SLC19A3: variants seen among roughly 807,000 people sequenced by gnomAD.
SLC19A3 encodes the protein solute carrier family 19 member 3.
Under a neutral mutation model 40.2 loss-of-function variants are expected in SLC19A3, and 31 were observed. That is an observed-to-expected ratio of 0.77 (90% CI 0.58 to 1.04). The LOEUF (loss-of-function observed/expected upper bound fraction) is 1.04. Ranked by LOEUF, SLC19A3 falls within the 50% of genes least tolerant of loss-of-function variation. The pLI, the probability that SLC19A3 is intolerant of heterozygous loss-of-function variation, is 0.00. For missense variants in SLC19A3, 592 were observed against 596.7 expected, an observed-to-expected ratio of 0.99 and a Z score of 0.08; for synonymous variants, 212 against 227.5, an observed-to-expected ratio of 0.93 and a Z score of 0.61.
intron 3 of SLC19A3, among the ~76,000 whole-genome samples, chr2:227,698,293 T>C (rs1364975552): frequency 6.6e-6 from 1 of 151,756 alleles, no homozygotes; most frequent in Non-Finnish European, 1.5e-5. Flanking sequence ...CCCAAGTAGC[T>C]GGGACTACAG....
intron 1 of SLC19A3, among the ~76,000 whole-genome samples, chr2:227,714,265 G>A (rs1696250983): frequency 1.3e-5 from 2 of 152,210 alleles, no homozygotes; most frequent in South Asian, 4.2e-4. Context: ...CGTATAATAG[G>A]AAAACTGAAC....
At chr2:227,698,712 G>A (rs200351656) in intron 3 of SLC19A3, 24 bp downstream of exon 3, 1 of 1,597,388 alleles carries the variant, frequency 6.3e-7, no homozygotes, top group African/African-American at 1.3e-5. Context: ...GCCAACAAAG[G>A]AAGATTAAGT....
chr2:227,715,462 G>T (rs932807419), intron 1 of SLC19A3, among the ~76,000 whole-genome samples: 1 of 152,122 alleles, frequency 6.6e-6, no homozygotes. Flanking sequence ...CTGGCCTCAA[G>T]AAATCCGCCT....
At chr2:227,713,266 G>A (rs933444112) in intron 1 of SLC19A3, among the ~76,000 whole-genome samples, 1 of 151,832 alleles carries the variant, frequency 6.6e-6, no homozygotes, top group Non-Finnish European at 1.5e-5. Flanking sequence ...GACTGGGCAT[G>A]GTGGTATATG....
intron 1 of SLC19A3, among the ~76,000 whole-genome samples, chr2:227,704,147 T>C (rs1388232629): frequency 2.6e-5 from 4 of 152,100 alleles, no homozygotes; most frequent in Non-Finnish European, 5.9e-5. Context: ...ACAGTCTACT[T>C]GAAGAAGGGT....
chr2:227,701,264 T>C, intron 2 of SLC19A3: 1 of 339,160 alleles, frequency 2.9e-6, no homozygotes, highest in South Asian at 3.1e-5. Context: ...AGGCTGGAGA[T>C]TGTAAAATCA....
chr2:227,700,040 G>C (rs967492315), intron 2 of SLC19A3, among the ~76,000 whole-genome samples: 1 of 151,832 alleles, frequency 6.6e-6, no homozygotes, highest in South Asian at 2.1e-4. Context: ...ATCATGCCTG[G>C]CTAATTTTTG....
intron 1 of SLC19A3, chr2:227,714,401 A>G: frequency 3.1e-6 from 3 of 983,300 alleles, no homozygotes; most frequent in Non-Finnish European, 3.6e-6. Flanking sequence ...GTTAATACAG[A>G]TAGAATCTGA....
chr2:227,691,585 C>T (rs1428307904), intron 4 of SLC19A3, among the ~76,000 whole-genome samples: 2 of 151,704 alleles, frequency 1.3e-5, no homozygotes, highest in African/African-American at 4.8e-5. Context: ...GCAGTTCAGC[C>T]TGGAGAACAT....
chr2:227,699,279 C>G lies in SLC19A3; in HGVS notation c.436G>C (p.Val146Leu), dbSNP rs147502239. 4 of 1,614,070 alleles carry G rather than the reference C, an allele frequency of 2.5e-6. No individual in the cohort carries two copies. Among genetic ancestry groups the G allele is most frequent in the Non-Finnish European group, 3.4e-6 (4 of 1,179,962 alleles). Residue 146 changes from valine (V) to leucine (L), a missense_variant, in exon 3 of 6, where the codon GTC becomes CTC. Transcript: ENST00000644224. Reference sequence around the variant, plus strand: ...CCTGCTGTGTAGGCGGCCAGCGTGACGCTCCTGCAGTAGCCGCTCACTCTC... The same window carrying G: ...CCTGCTGTGTAGGCGGCCAGCGTGAGGCTCCTGCAGTAGCCGCTCACTCTC... ...YQRVSGYCRS[V>L]TLAAYTAGSV...
At chr2:227,714,109 A>G (rs1696246043) in intron 1 of SLC19A3, among the ~76,000 whole-genome samples, 1 of 152,188 alleles carries the variant, frequency 6.6e-6, no homozygotes. Context: ...CTTTGTTTGT[A>G]TGTAGATTAT....
rs1202501215 is a variant in SLC19A3 at position 227,717,958 on chromosome 2, T to C, written c.-18A>G. On this transcript the variant is annotated 5_prime_UTR_variant, in exon 1 of 6. Transcript: ENST00000644224. The stretch of plus-strand genomic sequence containing the variant: ...ATATTCTTACCTACAGAAGGGAGTG[T>C]CTGTTCACCAAATCGCTCACTTGCC... 2.0e-6 allele frequency: 2 copies of C among 984,822 alleles called. No homozygotes were observed. Among genetic ancestry groups the C allele is most frequent in the East Asian group, 2.3e-4 (2 of 8,786 alleles). 61.0% of individuals were successfully genotyped at this position (984,822 alleles called of 1,614,324 possible).
intron 3 of SLC19A3, 85 bp from the exon 4 acceptor site, chr2:227,696,166 C>T (rs546982459): frequency 3.9e-5 from 51 of 1,291,520 alleles, no homozygotes; most frequent in African/African-American, 1.2e-4. Context: ...ACCCAGGTCT[C>T]GGGTAATTCT....
At chr2:227,689,171 G>A (rs756872508) in intron 4 of SLC19A3, among the ~76,000 whole-genome samples, 1 of 152,036 alleles carries the variant, frequency 6.6e-6, no homozygotes, top group Non-Finnish European at 1.5e-5. Context: ...TTAAAGAGGA[G>A]GTAAAGAAAT....
chr2:227,704,163 T>C (rs1695831191), intron 1 of SLC19A3, among the ~76,000 whole-genome samples: 1 of 151,550 alleles, frequency 6.6e-6, no homozygotes, highest in African/African-American at 2.4e-5. Context: ...AGGGTAAGGG[T>C]GAAAAGAGAG....
intron 1 of SLC19A3, chr2:227,714,669 C>T (rs1264900286): frequency 1.1e-4 from 92 of 853,012 alleles, no homozygotes; most frequent in Non-Finnish European, 1.2e-4. Context: ...GGGGCCCACC[C>T]TCTTCTGCAG....
In SLC19A3 at chr2:227,708,210, A is replaced by G. The variant is rs138970732; in HGVS notation, c.-2-5890T>C. Reference sequence around the variant, plus strand: ...GTTTTCTTTTTTTTAATCTCCCACAAAAGTTAACTTGTATTTTGACTATGA... The same window carrying G: ...GTTTTCTTTTTTTTAATCTCCCACAGAAGTTAACTTGTATTTTGACTATGA... On this transcript the variant is annotated intron_variant, in intron 1 of 5. Transcript: ENST00000644224. 4.9e-3 allele frequency among the ~76,000 whole-genome samples: 752 copies of G among 152,104 alleles called. 7 individuals are homozygous for G. The highest frequency in any genetic ancestry group is 0.017 in the African/African-American group (714 of 41,458).
At chr2:227,698,451 ACGCC>A (rs1321257710) in intron 3 of SLC19A3, among the ~76,000 whole-genome samples, 3 of 150,662 alleles carry the variant, frequency 2.0e-5, no homozygotes, top group African/African-American at 7.5e-5. Flanking sequence ...GCCCGCCACC[ACGCC>A]TACCTATTTT....
In SLC19A3 at chr2:227,696,065, A is replaced by C; in HGVS notation, c.996T>G (p.Phe332Leu). ...AGTTGACTTTCACATAACCCACTGC[A>C]AAGGCAGCCACAGCCCCTGAAAAAA... ...IATFGGAVAA[F>L]AVGYVKVNWD... The change falls in exon 4 of 6, where the codon TTT becomes TTG. Residue 332 changes from phenylalanine (F) to leucine (L), a missense_variant. By Grantham distance (22) the Phe-to-Leu change is conservative (BLOSUM62 0). Coordinates refer to ENST00000644224, the MANE Select transcript of SLC19A3 (RefSeq NM_025243.4). 6.3e-7 allele frequency: 1 copy of C among 1,584,788 alleles called. No homozygotes were observed. The highest frequency in any genetic ancestry group is 8.5e-7 in the Non-Finnish European group (1 of 1,170,210).
Sources: allele counts gnomAD v4.1 joint callset (sites outside exome capture counted in the v4.1 genomes callset), GRCh38; gene constraint gnomAD v4.1.1; transcripts MANE v1.5; gene names NCBI Gene and HGNC (gene_info 2026-07-23, HGNC 2026-07-21).